Variants in SDS observed in about 807,000 individuals in gnomAD.
The protein encoded by SDS is serine dehydratase.
In SDS, 19 loss-of-function variants were observed where a neutral mutation model predicts 29.3. The ratio of observed to expected loss-of-function variants is 0.65; its 90% CI spans 0.45 to 0.95. The LOEUF is 0.95. Ranked by LOEUF, SDS falls within the 40% of genes least tolerant of loss-of-function variation. The pLI, the probability that SDS is intolerant of heterozygous loss-of-function variation, is 0.00. For missense variants in SDS, 375 were observed against 439.9 expected (o/e 0.85, Z 1.32); for synonymous variants, 176 against 189.0 (o/e 0.93, Z 0.56).
At chr12:113,398,400 A>C (rs1222669326) in intron 5 of SDS, 115 bp downstream of exon 5, 2 of 702,488 alleles carry the variant, frequency 2.8e-6, no homozygotes, top group Admixed American at 2.6e-5. Context: ...TGGTGTGCGC[A>C]CACATGTGCA....
intron 1 of SDS, among the ~76,000 whole-genome samples, chr12:113,400,727 A>G (rs1957680013): frequency 6.6e-6 from 1 of 151,984 alleles, no homozygotes; most frequent in South Asian, 2.1e-4. Context: ...AGAGCATTTC[A>G]GGAAACATGC....
chr12:113,393,514 TA>T (rs1229725610), intron 7 of SDS, among the ~76,000 whole-genome samples: 14 of 152,206 alleles, frequency 9.2e-5, no homozygotes, highest in African/African-American at 3.4e-4. Flanking sequence ...ATCCCTGCCC[TA>T]GACGGAACCC....
At chr12:113,393,175 G>T in intron 7 of SDS, 26 bp from the exon 8 acceptor site, 1 of 1,609,936 alleles carries the variant, frequency 6.2e-7, no homozygotes, top group Non-Finnish European at 8.5e-7. Flanking sequence ...CGTGACAGGG[G>T]CGTGGCCTGA....
chr12:113,399,797 G>T, intron 1 of SDS, 87 bp from the exon 2 acceptor site: 1 of 1,290,274 alleles, frequency 7.8e-7, no homozygotes, highest in Non-Finnish European at 1.0e-6. Context: ...TCGCTTCCCA[G>T]CAAGCCAAGC....
intron 5 of SDS, among the ~76,000 whole-genome samples, chr12:113,398,230 A>G (rs1957660637): frequency 6.6e-6 from 1 of 151,760 alleles, no homozygotes. Flanking sequence ...GTCACCAAGT[A>G]CAGGTAATTT....
At chr12:113,399,388 A>C in intron 2 of SDS, 168 bp downstream of exon 2, 1 of 934,336 alleles carries the variant, frequency 1.1e-6, no homozygotes, top group Non-Finnish European at 1.6e-6. Flanking sequence ...ACCCTCCTGG[A>C]AGGGCACCCC....
At chr12:113,397,076 G>A (rs1210116619) in intron 6 of SDS, 89 bp downstream of exon 6, 2 of 1,143,642 alleles carry the variant, frequency 1.7e-6, no homozygotes, top group East Asian at 5.0e-5. Flanking sequence ...TGTGAAACAG[G>A]CTGACATCAG....
At chr12:113,395,266 C>A (rs1796580817) in intron 6 of SDS, among the ~76,000 whole-genome samples, 2 of 152,308 alleles carry the variant, frequency 1.3e-5, no homozygotes, top group South Asian at 4.1e-4. Context: ...CCAGGAGCAT[C>A]TTGAGGGCCT....
chr12:113,397,908 A>G (rs571503308), intron 5 of SDS, among the ~76,000 whole-genome samples: 1 of 152,066 alleles, frequency 6.6e-6, no homozygotes, highest in African/African-American at 2.4e-5. Flanking sequence ...TTTGTCCCCA[A>G]GTCTGCTTCC....
intron 5 of SDS, among the ~76,000 whole-genome samples, chr12:113,397,845 T>A (rs1456600382): frequency 6.6e-6 from 1 of 152,172 alleles, no homozygotes; most frequent in Non-Finnish European, 1.5e-5. Context: ...CCTGGCTTAC[T>A]TCCCCACTCC....
intron 1 of SDS, among the ~76,000 whole-genome samples, chr12:113,400,259 T>C (rs1215349121): frequency 6.7e-6 from 1 of 150,332 alleles, no homozygotes; most frequent in African/African-American, 2.5e-5. Flanking sequence ...GCCATTGCAC[T>C]CCTGCCTGGG....
At chr12:113,399,067 C>T in intron 3 of SDS, 45 bp downstream of exon 3, 1 of 1,607,766 alleles carries the variant, frequency 6.2e-7, no homozygotes, top group Non-Finnish European at 8.5e-7. Flanking sequence ...GTGTCTGATC[C>T]CAGGACACAC....
intron 1 of SDS, among the ~76,000 whole-genome samples, chr12:113,402,782 G>T (rs1052188180): frequency 1.3e-5 from 2 of 152,146 alleles, no homozygotes; most frequent in Non-Finnish European, 2.9e-5. Context: ...GCGGCTTTCC[G>T]TGAAGTGAGC....
At chr12:113,398,075 T>G in intron 5 of SDS, among the ~76,000 whole-genome samples, 1 of 151,350 alleles carries the variant, frequency 6.6e-6, no homozygotes, top group African/African-American at 2.4e-5. Flanking sequence ...TTTTTTTTTT[T>G]TGTTTTTTTT....
intron 2 of SDS, 56 bp from the exon 3 acceptor site, chr12:113,399,207 C>A (rs1957668637): frequency 3.8e-6 from 6 of 1,575,026 alleles, no homozygotes; most frequent in Non-Finnish European, 4.4e-6. Flanking sequence ...TGCCTGTGCT[C>A]TTCCTCCCCA....
At chr12:113,402,490 A>G (rs1957690001) in intron 1 of SDS, among the ~76,000 whole-genome samples, 1 of 152,104 alleles carries the variant, frequency 6.6e-6, no homozygotes, top group African/African-American at 2.4e-5. Context: ...ACAAGGTTTC[A>G]CCATATTGGG....
chr12:113,395,930 G>A (rs561263775), intron 6 of SDS, among the ~76,000 whole-genome samples: 2 of 152,126 alleles, frequency 1.3e-5, no homozygotes, highest in African/African-American at 2.4e-5. Context: ...TGGCTAACAC[G>A]GTAAAACCCC....
Position 113,398,548 on chromosome 12 carries a change from A to T in SDS, c.392T>A (p.Val131Asp). The T allele has an allele frequency of 6.3e-7, 1 of 1,593,522 alleles. No homozygotes were observed. Among genetic ancestry groups the T allele is most frequent in the Non-Finnish European group, 8.5e-7 (1 of 1,170,928 alleles). ...KALAKNNPGWVYIPPFDDPLI... is the reference protein window; with the variant it reads ...KALAKNNPGWDYIPPFDDPLI... ...GGGGTCATCAAAGGGGGGAATGTAGACCCAACCCGGGTTGTTCTTCGCTAG... is the reference window on the plus strand; with the variant it reads ...GGGGTCATCAAAGGGGGGAATGTAGTCCCAACCCGGGTTGTTCTTCGCTAG... The change falls in exon 5 of 8, where the codon GTC becomes GAC. Residue 131 changes from valine (V) to aspartate (D), a missense_variant. Physicochemically the swap from Val to Asp is radical, Grantham distance 152. Transcript: ENST00000257549.
chr12:113,397,133 G>T lies in SDS; in HGVS notation c.653+32C>A, dbSNP rs534512821. The T allele has an allele frequency of 2.0e-5, 31 of 1,588,600 alleles. No individual in the cohort carries two copies. In the East Asian group the frequency reaches 6.9e-4, roughly 36 times the overall value. ...TAAGGGGGACTCCCCAGTGCTTGCT[G>T]GACACCCGAGGGAGGCACCCCAGCT... is the stretch of plus-strand genomic sequence containing the variant. On this transcript the variant is annotated intron_variant, in intron 6 of 7. Transcript: ENST00000257549.
Sources: allele counts gnomAD v4.1 joint callset (sites outside exome capture counted in the v4.1 genomes callset), GRCh38; gene constraint gnomAD v4.1.1; transcripts MANE v1.5; gene names NCBI Gene and HGNC (gene_info 2026-07-23, HGNC 2026-07-21).